Variants in KHDRBS2 observed in about 807,000 individuals in gnomAD.
The protein encoded by KHDRBS2 is KH domain-containing, RNA-binding, signal transduction-associated protein 2.
A neutral mutation model predicts 44.3 loss-of-function variants in KHDRBS2; 26 were observed. The ratio of observed to expected loss-of-function variants is 0.59; its 90% CI spans 0.43 to 0.81. KHDRBS2 has a LOEUF of 0.81. KHDRBS2 is among the 40% of genes least tolerant of loss of function. The probability of loss-of-function intolerance (pLI) is 0.00; values close to 1 mark genes in which losing one functional copy is unlikely to be tolerated. For synonymous variants in KHDRBS2, 194 were observed against 151.1 expected (o/e 1.28, Z -2.08); for missense variants, 476 against 433.1 (o/e 1.10, Z -0.88).
chr6:61,958,841 T>C (rs1275501628), intron 4 of KHDRBS2, among the ~76,000 whole-genome samples: 1 of 152,178 alleles, frequency 6.6e-6, no homozygotes, highest in Non-Finnish European at 1.5e-5. Context: ...TGACAATGCC[T>C]TCAGTTCTCT....
At chr6:61,890,030 C>T (rs2127326133) in intron 6 of KHDRBS2, among the ~76,000 whole-genome samples, 1 of 152,322 alleles carries the variant, frequency 6.6e-6, no homozygotes, top group South Asian at 2.1e-4. Context: ...GGACTCTCCT[C>T]ACCTCTCTCC....
chr6:61,586,525 A>C, the KHDRBS2 span, among the ~76,000 whole-genome samples: 3 of 152,180 alleles, frequency 2.0e-5, no homozygotes, highest in African/African-American at 4.8e-5. Flanking sequence ...AACTCAGGCC[A>C]ATCAAAGAAT....
At chr6:62,237,122 G>A (rs891844319) in intron 1 of KHDRBS2, among the ~76,000 whole-genome samples, 4 of 152,070 alleles carry the variant, frequency 2.6e-5, no homozygotes, top group African/African-American at 7.2e-5. Flanking sequence ...TGCGTCACAC[G>A]TGCTGTTTTA....
Position 62,054,553 on chromosome 6 carries a change from C to T in KHDRBS2, c.220-6559G>A, listed in dbSNP as rs572614176. ...AGATGAGGGATTATCCTGGATTACC[C>T]AGCTGTGCCTAATGTCTTTTTAAAA... On this transcript the variant is annotated intron_variant, in intron 2 of 8. Transcript: ENST00000281156. Among the ~76,000 whole-genome samples, 19 of 152,134 alleles carry T rather than the reference C, an allele frequency of 1.2e-4. No individual in the cohort carries two copies. The South Asian group carries it at 3.9e-3, about 32-fold the overall frequency.
chr6:61,954,818 G>GTATATATGTA (rs1583733145), intron 4 of KHDRBS2, among the ~76,000 whole-genome samples: 1 of 65,262 alleles, frequency 1.5e-5, no homozygotes, highest in Non-Finnish European at 2.9e-5. Flanking sequence ...ATACGCATGT[G>GTATATATGTA]TATATACACA....
chr6:61,622,680 C>A, the KHDRBS2 span, among the ~76,000 whole-genome samples: 1 of 152,074 alleles, frequency 6.6e-6, no homozygotes, highest in Non-Finnish European at 1.5e-5. Context: ...AGTGGAAATG[C>A]CTGAGTTTCC....
At chr6:61,585,189 T>C in the KHDRBS2 span, among the ~76,000 whole-genome samples, 1 of 151,926 alleles carries the variant, frequency 6.6e-6, no homozygotes, top group African/African-American at 2.4e-5. Context: ...CCATCTTTCA[T>C]TCAGTGCATG....
intron 7 of KHDRBS2, among the ~76,000 whole-genome samples, chr6:61,727,193 C>T (rs1479981791): frequency 6.6e-6 from 1 of 152,084 alleles, no homozygotes; most frequent in Non-Finnish European, 1.5e-5. Flanking sequence ...GGGTTACCTA[C>T]TTAATAAATG....
chr6:61,834,230 T>C (rs1437028210), intron 6 of KHDRBS2, among the ~76,000 whole-genome samples: 1 of 152,020 alleles, frequency 6.6e-6, no homozygotes, highest in East Asian at 1.9e-4. Context: ...TAAAGAGAGC[T>C]ATTTGGAGGT....
chr6:61,542,792 A>G, the KHDRBS2 span, among the ~76,000 whole-genome samples: 1 of 151,974 alleles, frequency 6.6e-6, no homozygotes, highest in Admixed American at 6.6e-5. Flanking sequence ...ATATATATTC[A>G]CCACAAAATT....
At chr6:61,837,952 T>C (rs1320055267) in intron 6 of KHDRBS2, among the ~76,000 whole-genome samples, 6 of 152,008 alleles carry the variant, frequency 3.9e-5, no homozygotes, top group Non-Finnish European at 2.9e-5. Context: ...ATCTTGAATC[T>C]TAGCAGTTGA....
intron 6 of KHDRBS2, among the ~76,000 whole-genome samples, chr6:61,785,153 AAAAC>A (rs146775429): frequency 0.37 from 56,453 of 150,942 alleles, 11,663 homozygotes; most frequent in African/African-American, 0.57. Flanking sequence ...TTGTCCTAAA[AAAAC>A]AAACAAACAA....
intron 3 of KHDRBS2, among the ~76,000 whole-genome samples, chr6:62,025,013 A>T (rs950339160): frequency 3.0e-4 from 45 of 151,706 alleles, no homozygotes; most frequent in African/African-American, 1.1e-3. Flanking sequence ...AGTAAAATTA[A>T]AACTTATTTT....
chr6:61,782,510 G>A (rs1022095043), intron 6 of KHDRBS2, among the ~76,000 whole-genome samples: 2 of 151,502 alleles, frequency 1.3e-5, no homozygotes, highest in African/African-American at 4.8e-5. Flanking sequence ...CTCAATAAAC[G>A]ATCACAGATG....
intron 6 of KHDRBS2, among the ~76,000 whole-genome samples, chr6:61,787,026 G>A (rs1783924092): frequency 6.7e-6 from 1 of 148,234 alleles, no homozygotes; most frequent in Non-Finnish European, 1.5e-5. Context: ...ATTTTATAAT[G>A]TAGTTTATAA....
At chr6:61,874,340 A>G (rs1799094012) in intron 6 of KHDRBS2, among the ~76,000 whole-genome samples, 1 of 152,174 alleles carries the variant, frequency 6.6e-6, no homozygotes, top group Non-Finnish European at 1.5e-5. Flanking sequence ...ACATTTGTCA[A>G]CATAGTATAA....
intron 4 of KHDRBS2, among the ~76,000 whole-genome samples, chr6:61,970,059 C>T (rs1222391178): frequency 6.6e-6 from 1 of 151,922 alleles, no homozygotes; most frequent in East Asian, 1.9e-4. Flanking sequence ...TAAAAGGAAA[C>T]AGATTTTGGA....
the KHDRBS2 span, among the ~76,000 whole-genome samples, chr6:61,639,225 C>T: frequency 2.6e-5 from 4 of 152,064 alleles, no homozygotes; most frequent in Non-Finnish European, 4.4e-5. Context: ...TGACTGCCTG[C>T]TCTAAAGGAC....
At chr6:61,867,926 G>T (rs1464022691) in intron 6 of KHDRBS2, among the ~76,000 whole-genome samples, 1 of 152,130 alleles carries the variant, frequency 6.6e-6, no homozygotes, top group Non-Finnish European at 1.5e-5. Flanking sequence ...CTAGTCAGGA[G>T]AAATGAGATC....
Sources: gnomAD v4.1 joint callset for allele counts (sites outside exome capture counted in the v4.1 genomes callset) on GRCh38, gnomAD v4.1.1 for gene constraint, MANE v1.5 for transcripts, NCBI Gene and HGNC (gene_info 2026-07-23, HGNC 2026-07-21) for gene names.